The following RAB6B variants were observed in gnomAD, a reference collection of about 807,000 sequenced individuals.
The protein encoded by RAB6B is RAB6B, member RAS oncogene family, also known as ras-related protein Rab-6B.
In RAB6B, 7 loss-of-function variants were observed where a neutral mutation model predicts 31.2. The observed-to-expected ratio is 0.22, with a 90% CI of 0.13 to 0.42. The LOEUF is 0.42. RAB6B is among the 10% of genes least tolerant of loss of function. RAB6B has a pLI of 1.00. For synonymous variants in RAB6B, 105 were observed against 104.9 expected (o/e 1.00, Z -0.01); for missense variants, 149 against 280.6 (o/e 0.53, Z 3.35).
intron 5 of RAB6B, among the ~76,000 whole-genome samples, chr3:133,839,008 G>T (rs904015070): frequency 3.3e-5 from 5 of 152,228 alleles, no homozygotes; most frequent in Non-Finnish European, 5.9e-5. Context: ...AAAGCTTCAT[G>T]CCAGACGCAG....
chr3:133,893,939 ATCT>A (rs928184608), intron 1 of RAB6B, among the ~76,000 whole-genome samples: 1 of 152,144 alleles, frequency 6.6e-6, no homozygotes, highest in Non-Finnish European at 1.5e-5. Flanking sequence ...GGCTGAGTGG[ATCT>A]TCTTCTGAAA....
intron 2 of RAB6B, among the ~76,000 whole-genome samples, chr3:133,853,035 T>C (rs1213401100): frequency 6.6e-6 from 1 of 152,168 alleles, no homozygotes; most frequent in African/African-American, 2.4e-5. Context: ...TCTGCATCTG[T>C]AGTACAGTCA....
intron 1 of RAB6B, among the ~76,000 whole-genome samples, chr3:133,891,000 C>T (rs1233925786): frequency 6.6e-6 from 1 of 152,126 alleles, no homozygotes; most frequent in Non-Finnish European, 1.5e-5. Flanking sequence ...GAAGTGAGCA[C>T]CTAAGAGCAG....
At position 133,841,637 on chromosome 3, in the gene RAB6B, T is replaced by C. The variant is rs1576395419; in HGVS notation, c.156A>G (p.Ser52=). The change falls in exon 3 of 8, where the codon TCA becomes TCG. Residue 52 remains serine, a synonymous_variant. Coordinates refer to ENST00000285208, the MANE Select transcript of RAB6B (RefSeq NM_016577.4). The part of the protein sequence containing the change: ...YQATIGIDFL[S]KTMYLEDRTV... ...TGCGGTCCTCCAAGTACATGGTTTT[T>C]GACAAGAAGTCAATCCCAATGGTTG... The C allele has an allele frequency of 6.2e-7, 1 of 1,613,724 alleles. No individual in the cohort carries two copies.
chr3:133,836,753 C>T (rs750108219), intron 6 of RAB6B, among the ~76,000 whole-genome samples: 8 of 152,136 alleles, frequency 5.3e-5, no homozygotes, highest in Non-Finnish European at 1.2e-4. Context: ...ATGACAGCTT[C>T]AGCCCCACAC....
chr3:133,890,178 A>T (rs1936618015), intron 1 of RAB6B, among the ~76,000 whole-genome samples: 1 of 152,170 alleles, frequency 6.6e-6, no homozygotes, highest in African/African-American at 2.4e-5. Flanking sequence ...TGGCAAGCTG[A>T]GGTCTGGTGT....
At chr3:133,834,735 A>C in intron 6 of RAB6B, 94 bp from the exon 7 acceptor site, 1 of 1,186,818 alleles carries the variant, frequency 8.4e-7, no homozygotes, top group Non-Finnish European at 1.3e-6. Context: ...TCCCCTCCCA[A>C]CCTGCAGCTT....
chr3:133,865,807 C>G (rs1936230167), intron 1 of RAB6B, among the ~76,000 whole-genome samples: 1 of 152,240 alleles, frequency 6.6e-6, no homozygotes, highest in Non-Finnish European at 1.5e-5. Flanking sequence ...AGGCCCTTTA[C>G]CAGCTTTGAG....
At chr3:133,841,866 G>A (rs1228417764) in intron 2 of RAB6B, among the ~76,000 whole-genome samples, 1 of 152,208 alleles carries the variant, frequency 6.6e-6, no homozygotes, top group Non-Finnish European at 1.5e-5. Context: ...AAAGATGAGG[G>A]TGGCCTTTAT....
chr3:133,828,879 G>T lies in RAB6B; in HGVS notation c.563-27C>A, dbSNP rs769101137. ...TGCAGGGGGACGGGCTAAGGAAGAT[G>T]ACTCTCCTGGACAAGCTGCCACCCC... On this transcript the variant is annotated intron_variant, in intron 7 of 7. Transcript: ENST00000285208. 1.7e-5 allele frequency: 26 copies of T among 1,570,390 alleles called. 1 individual carries two copies. In the South Asian group the frequency reaches 2.9e-4, roughly 17 times the overall value.
chr3:133,864,667 G>A (rs373086160), intron 1 of RAB6B, 25 bp from the exon 2 acceptor site: 89 of 1,604,690 alleles, frequency 5.5e-5, no homozygotes, highest in Non-Finnish European at 7.2e-5. Flanking sequence ...GGAGAGAGGT[G>A]TTCAGTCATG....
In RAB6B at chr3:133,841,539, GC is replaced by G. The variant is rs1243289868; in HGVS notation, c.183+70del. ...CGGCAGGTGCTCTCAGTGGTGCCCA[GC>G]TAAGGGTCCTAGGGGATAAGCCCAA... On this transcript the variant is annotated intron_variant, in intron 3 of 7. Transcript: ENST00000285208. 5.1e-6 allele frequency: 8 copies of G among 1,574,440 alleles called. No individual in the cohort carries two copies. The African/African-American group carries it at 8.1e-5, about 16-fold the overall frequency.
At chr3:133,895,246 A>C (rs1244953058) in intron 1 of RAB6B, 151 bp downstream of exon 1, 2 of 505,696 alleles carry the variant, frequency 4.0e-6, no homozygotes, top group East Asian at 7.6e-5. Flanking sequence ...CCCCAGCCCG[A>C]CCCCGCCCCG....
intron 1 of RAB6B, among the ~76,000 whole-genome samples, chr3:133,889,230 G>A (rs1302643181): frequency 6.6e-6 from 1 of 151,738 alleles, no homozygotes; most frequent in Non-Finnish European, 1.5e-5. Context: ...GGAGGACAGG[G>A]GAAATCTGCA....
In RAB6B at chr3:133,839,549, T is replaced by C. The variant is rs1935791158; in HGVS notation, c.358A>G (p.Ile120Val). 6.2e-7 allele frequency: 1 copy of C among 1,614,252 alleles called. No homozygotes were observed. Among genetic ancestry groups the C allele is most frequent in the Non-Finnish European group, 8.5e-7 (1 of 1,180,044 alleles). ...GTCTTGTTGCCCACCAGCATGATGA[T>C]AACATCACTGCCCCTCTCTGTCCTG... ...DVRTERGSDV[I>V]IMLVGNKTDL... is the part of the protein sequence containing the mutation. Residue 120 changes from isoleucine to valine, a missense_variant, in exon 5 of 8, where the codon ATC becomes GTC. Ile to Val is a conservative substitution (Grantham distance 29). This residue lies in a region of RAB6B where 75 missense variants were observed against 180.1 expected (regional missense o/e 0.42). Transcript: ENST00000285208.
At chr3:133,881,691 C>A (rs1034772447) in intron 1 of RAB6B, among the ~76,000 whole-genome samples, 1 of 152,192 alleles carries the variant, frequency 6.6e-6, no homozygotes. Context: ...AACACAAAGA[C>A]AGAACAGGAA....
chr3:133,881,578 A>C (rs1456982899), intron 1 of RAB6B, among the ~76,000 whole-genome samples: 1 of 152,268 alleles, frequency 6.6e-6, no homozygotes, highest in Non-Finnish European at 1.5e-5. Context: ...GAGTGACCTC[A>C]GAAAATCACG....
At chr3:133,875,764 T>A (rs1559911513) in intron 1 of RAB6B, among the ~76,000 whole-genome samples, 1 of 152,192 alleles carries the variant, frequency 6.6e-6, no homozygotes, top group Non-Finnish European at 1.5e-5. Flanking sequence ...TTTCCCTACC[T>A]GCTACAGCCA....
intron 1 of RAB6B, among the ~76,000 whole-genome samples, chr3:133,865,825 G>C (rs576347527): frequency 2.9e-4 from 44 of 152,340 alleles, no homozygotes; most frequent in African/African-American, 1.0e-3. Flanking sequence ...GAGGCCTCAA[G>C]AGTGCACCAC....
Sources: allele counts gnomAD v4.1 joint callset (sites outside exome capture counted in the v4.1 genomes callset), GRCh38; gene constraint gnomAD v4.1.1; regional missense constraint gnomAD v4.1.1; transcripts MANE v1.5; gene names NCBI Gene and HGNC (gene_info 2026-07-23, HGNC 2026-07-21).